The following TTC7B variants were observed in gnomAD, a reference collection of about 807,000 sequenced individuals.
TTC7B encodes the protein tetratricopeptide repeat domain 7B, also known as tetratricopeptide repeat protein 7B.
A neutral mutation model predicts 106.8 loss-of-function variants in TTC7B; 28 were observed. The observed-to-expected ratio is 0.26, with a 90% CI of 0.19 to 0.36. The LOEUF is 0.36. Ranked by LOEUF, TTC7B falls within the 10% of genes least tolerant of loss-of-function variation. TTC7B has a pLI of 1.00. For synonymous variants in TTC7B, 405 were observed against 430.6 expected, an observed-to-expected ratio of 0.94 and a Z score of 0.74; for missense variants, 862 against 1,076.4, an observed-to-expected ratio of 0.80 and a Z score of 2.79.
chr14:90,655,108 C>T lies in TTC7B; in HGVS notation c.1344G>A (p.Leu448=). 2 of 1,611,066 alleles carry T rather than the reference C, an allele frequency of 1.2e-6. No individual in the cohort carries two copies. The highest frequency in any genetic ancestry group is 8.5e-7 in the Non-Finnish European group (1 of 1,177,250). The change falls in exon 12 of 20, where the codon TTG becomes TTA. Residue 448 remains leucine, a splice_region_variant and synonymous_variant. Transcript: ENST00000328459. ...TTTTGGCAAACTTTTCAGCCTCTTC[C>T]AACTGAAAAATGAGACAAGTTAAAA... ...AKLCMGSLHW[L]EEAEKFAKTV... is the part of the protein sequence containing the mutation.
Position 90,537,373 on chromosome 14 carries a change from T to TGCAG in TTC7B, c.*3994_*3995insCTGC, listed in dbSNP as rs1555372754. On this transcript the variant is annotated 3_prime_UTR_variant, in exon 20 of 20. Transcript: ENST00000328459. ...GGCTATTTTTTTTTTTTTGTAGAGA[T>TGCAG]GGGGGGGGGGTCTCACCATGTTGCC... 1 of 54,422 alleles carries TGCAG rather than the reference T, an allele frequency of 1.8e-5. No homozygotes were observed. The highest frequency in any genetic ancestry group is 6.2e-5 in the African/African-American group (1 of 16,116). 3.4% of individuals were successfully genotyped at this position (54,422 alleles called of 1,614,324 possible).
intron 2 of TTC7B, 112 bp downstream of exon 2, chr14:90,786,062 C>A: frequency 8.0e-7 from 1 of 1,255,544 alleles, no homozygotes; most frequent in South Asian, 2.0e-5. Flanking sequence ...AGAAGACAAG[C>A]CCTGGCAGTG....
In TTC7B at chr14:90,658,362, G is replaced by A. The variant is rs780286862; in HGVS notation, c.1178C>T (p.Ala393Val). 1.2e-6 allele frequency: 2 copies of A among 1,614,100 alleles called. No individual in the cohort carries two copies. The highest frequency in any genetic ancestry group is 1.1e-5 in the South Asian group (1 of 91,076). ...SECLERAMKF[A>V]FEEFHLWYQF... ...GTACCACAGGTGGAATTCCTCAAAG[G>A]CAAACTTCATGGCTCTTTCTAGGCA... The change falls in exon 10 of 20, where the codon GCC becomes GTC. Residue 393 changes from alanine to valine, a missense_variant. Ala to Val is a moderately conservative substitution (Grantham distance 64). Coordinates refer to ENST00000328459, the MANE Select transcript of TTC7B (RefSeq NM_001010854.2).
intron 17 of TTC7B, among the ~76,000 whole-genome samples, chr14:90,596,622 A>G (rs1892214631): frequency 6.6e-6 from 1 of 152,134 alleles, no homozygotes; most frequent in South Asian, 2.1e-4. Context: ...TGAGCCTTCC[A>G]TTTCTCCCTA....
intron 3 of TTC7B, chr14:90,766,527 C>A (rs976022314): frequency 4.0e-6 from 3 of 749,078 alleles, no homozygotes; most frequent in Non-Finnish European, 7.4e-6. Flanking sequence ...CTTGTACTGC[C>A]GCCATGTCTC....
At chr14:90,800,143 T>C (rs1463539826) in intron 1 of TTC7B, among the ~76,000 whole-genome samples, 1 of 152,146 alleles carries the variant, frequency 6.6e-6, no homozygotes, top group African/African-American at 2.4e-5. Context: ...GATCTAAGTT[T>C]TTAAAAGATG....
Position 90,536,838 on chromosome 14 carries a change from T to A in TTC7B, c.*4530A>T, listed in dbSNP as rs1041712808. The A allele has an allele frequency of 4.6e-5, 7 of 152,320 alleles. No individual in the cohort carries two copies. The highest frequency in any genetic ancestry group is 1.7e-4 in the African/African-American group (7 of 41,444). The allele number at this position is 152,320 out of a possible 1,614,324, so 9.4% of individuals were successfully genotyped here. A position where few individuals can be genotyped will look rare whatever the true frequency, so the allele number is the denominator to read the frequency against. ...GAACCTGTGACTATGTTGCCTTCCA[T>A]GACAGATGGAGCGATGCAGATGTGA... On this transcript the variant is annotated 3_prime_UTR_variant, in exon 20 of 20. Transcript: ENST00000328459.
At position 90,677,683 on chromosome 14, in the gene TTC7B, C is replaced by T. The variant is rs987617377; in HGVS notation, c.1015-1023G>A. 19 of 346,882 alleles carry T rather than the reference C, an allele frequency of 5.5e-5. 1 individual carries two copies. Among genetic ancestry groups the T allele is most frequent in the Admixed American group, 1.2e-4 (3 of 25,536 alleles). 21.5% of individuals were successfully genotyped at this position (346,882 alleles called of 1,614,324 possible). ...CATGAGGTTCCGGGGTCACTTGTCC[C>T]GGCAGGCTGACGTTGATCTTCCCCC... On this transcript the variant is annotated intron_variant, in intron 8 of 19. Coordinates refer to ENST00000328459, the MANE Select transcript of TTC7B (RefSeq NM_001010854.2).
intron 15 of TTC7B, among the ~76,000 whole-genome samples, chr14:90,634,500 G>T (rs1884844689): frequency 6.6e-6 from 1 of 152,120 alleles, no homozygotes; most frequent in Admixed American, 6.5e-5. Flanking sequence ...GGCCGGGTGG[G>T]GTGGGTCAGG....
chr14:90,705,316 G>A (rs1888161781), intron 5 of TTC7B, among the ~76,000 whole-genome samples: 1 of 152,164 alleles, frequency 6.6e-6, no homozygotes, highest in South Asian at 2.1e-4. Flanking sequence ...CATTATTCCA[G>A]ATGATCTGCC....
Position 90,816,317 on chromosome 14 carries a change from C to A in TTC7B, c.-22G>T. 1.8e-6 allele frequency: 2 copies of A among 1,099,378 alleles called. No homozygotes were observed. Among genetic ancestry groups the A allele is most frequent in the Non-Finnish European group, 2.3e-6 (2 of 885,796 alleles). The allele number at this position is 1,099,378 out of a possible 1,614,324, so 68.1% of individuals were successfully genotyped here. On this transcript the variant is annotated 5_prime_UTR_variant, in exon 1 of 20. Transcript: ENST00000328459. ...CCATCGCGGCCTGGCCGGGCCCGGC[C>A]GCCCGCCCCGCAGGCCCCACCGCCG...
intron 7 of TTC7B, among the ~76,000 whole-genome samples, chr14:90,682,316 T>C (rs899792022): frequency 1.3e-5 from 2 of 152,158 alleles, no homozygotes; most frequent in Non-Finnish European, 2.9e-5. Flanking sequence ...AGTGGCACAT[T>C]AACCGAATCC....
chr14:90,746,811 G>A (rs1889982196), intron 3 of TTC7B, among the ~76,000 whole-genome samples: 1 of 152,204 alleles, frequency 6.6e-6, no homozygotes, highest in Non-Finnish European at 1.5e-5. Context: ...TTCTTTAGAA[G>A]TGTATTATTT....
In TTC7B at chr14:90,676,719, G is replaced by A. The variant is rs1886856559; in HGVS notation, c.1015-59C>T. The A allele has an allele frequency of 1.1e-5, 17 of 1,585,778 alleles. No homozygotes were observed. In the South Asian group the frequency reaches 1.8e-4, roughly 17 times the overall value. On this transcript the variant is annotated intron_variant, in intron 8 of 19. Transcript: ENST00000328459. Reference sequence around the variant, plus strand: ...AGAGAACCTAGTGCTGCATGGCGGGGAGTCCACCTAGGCCCTCCTGCCCCT... The same window carrying A: ...AGAGAACCTAGTGCTGCATGGCGGGAAGTCCACCTAGGCCCTCCTGCCCCT...
Position 90,578,166 on chromosome 14 carries a change from C to T in TTC7B, c.2250G>A (p.Arg750=). 1.2e-6 allele frequency: 2 copies of T among 1,613,592 alleles called. No individual in the cohort carries two copies. Among genetic ancestry groups the T allele is most frequent in the Non-Finnish European group, 1.7e-6 (2 of 1,179,836 alleles). Residue 750 remains arginine (R), a synonymous_variant, in exon 19 of 20, where the codon CGG becomes CGA. Transcript: ENST00000328459. The surrounding 1 kb of genome is among the most constrained non-coding windows in gnomAD (Gnocchi z 4.7). ...AELRGSMDEA[R]RWYEEALAIS... is the part of the protein sequence containing the mutation. Reference sequence around the variant, plus strand: ...TGGCTAAGGCCTCTTCATACCACCGCCGCGCCTCGTCCATGCTTCCCCGGA... The same window carrying T: ...TGGCTAAGGCCTCTTCATACCACCGTCGCGCCTCGTCCATGCTTCCCCGGA...
At chr14:90,543,221 ATTT>A (rs759363138) in intron 19 of TTC7B, among the ~76,000 whole-genome samples, 1 of 152,092 alleles carries the variant, frequency 6.6e-6, no homozygotes, top group African/African-American at 2.4e-5. Flanking sequence ...TTGATCTTTG[ATTT>A]TTTTGCCACT....
rs1038477466 is a variant in TTC7B, at chr14:90,538,281, TGGACGGAC to T, written c.*3079_*3086del. The T allele has an allele frequency of 9.4e-5, 9 of 95,700 alleles. No homozygotes were observed. The highest frequency in any genetic ancestry group is 9.3e-4 in the Admixed American group (9 of 9,660). 5.9% of individuals were successfully genotyped at this position (95,700 alleles called of 1,614,324 possible). On this transcript the variant is annotated 3_prime_UTR_variant, in exon 20 of 20. Transcript: ENST00000328459. ...ATGGATGGATGGATGGATGGATGGATGGACGGACGGACGGACGGGTGGACGGATGAATG... is the reference window on the plus strand; with the variant it reads ...ATGGATGGATGGATGGATGGATGGATGGACGGACGGGTGGACGGATGAATG...
chr14:90,644,610 T>A (rs1235166598), intron 14 of TTC7B: 2 of 160,702 alleles, frequency 1.2e-5, no homozygotes, highest in Non-Finnish European at 2.7e-5. Context: ...GTGTCAGAGA[T>A]TTTTAGTGGA....
intron 13 of TTC7B, among the ~76,000 whole-genome samples, chr14:90,651,608 A>G (rs1885720361): frequency 6.6e-6 from 1 of 152,252 alleles, no homozygotes; most frequent in African/African-American, 2.4e-5. Context: ...ACTCCAAATC[A>G]TTTGAAATGG....
Sources: allele counts gnomAD v4.1 joint callset (sites outside exome capture counted in the v4.1 genomes callset), GRCh38; gene constraint gnomAD v4.1.1; non-coding constraint Gnocchi (gnomAD v3.1); transcripts MANE v1.5; gene names NCBI Gene and HGNC (gene_info 2026-07-23, HGNC 2026-07-21).